The following BMPR1A variants were observed in gnomAD, a reference collection of about 807,000 sequenced individuals.
BMPR1A encodes the protein bone morphogenetic protein receptor type-1A.
In BMPR1A, 7 loss-of-function variants were observed where a neutral mutation model predicts 66.0. The ratio of observed to expected loss-of-function variants is 0.11; its 90% confidence interval spans 0.06 to 0.20. The LOEUF is 0.20. BMPR1A is among the 10% of genes least tolerant of loss of function. The pLI, the probability that BMPR1A is intolerant of heterozygous loss-of-function variation, is 1.00. For synonymous variants in BMPR1A, 200 were observed against 229.7 expected, an observed-to-expected ratio of 0.87 and a Z score of 1.17; for missense variants, 408 against 669.1, an observed-to-expected ratio of 0.61 and a Z score of 4.31.
intron 1 of BMPR1A, among the ~76,000 whole-genome samples, chr10:86,812,158 A>G (rs1280356104): frequency 6.6e-6 from 1 of 152,190 alleles, no homozygotes; most frequent in African/African-American, 2.4e-5. Flanking sequence ...GTCATTATAC[A>G]GAGCAGTTCA....
chr10:86,911,128 C>A (rs1030352235), intron 7 of BMPR1A, among the ~76,000 whole-genome samples: 3 of 136,146 alleles, frequency 2.2e-5, no homozygotes, highest in African/African-American at 8.7e-5. Flanking sequence ...ACACTCTAGC[C>A]TGGGTGACAG....
Position 86,878,893 on chromosome 10 carries a change from G to A in BMPR1A, c.67+2808G>A, listed in dbSNP as rs1275746752. ...GTTAGCTGGGAAAAGGGGGAAAATAGGTATCAATTGGACAATTAAAAGGAT... is the reference window on the plus strand; with the variant it reads ...GTTAGCTGGGAAAAGGGGGAAAATAAGTATCAATTGGACAATTAAAAGGAT... On this transcript the variant is annotated intron_variant, in intron 3 of 12. Transcript: ENST00000372037. Among the ~76,000 whole-genome samples the A allele has an allele frequency of 3.3e-5, 5 of 151,972 alleles. No individual in the cohort carries two copies. The East Asian group carries it at 9.6e-4, about 29-fold the overall frequency.
intron 1 of BMPR1A, among the ~76,000 whole-genome samples, chr10:86,802,418 A>G (rs1841824999): frequency 6.6e-6 from 1 of 152,228 alleles, no homozygotes; most frequent in South Asian, 2.1e-4. Flanking sequence ...AAAGAATCTG[A>G]ACTACATTAG....
chr10:86,870,033 T>C (rs1255253093), intron 2 of BMPR1A, among the ~76,000 whole-genome samples: 1 of 152,178 alleles, frequency 6.6e-6, no homozygotes, highest in Non-Finnish European at 1.5e-5. Flanking sequence ...TTATATTTAT[T>C]ATTTTATCAG....
chr10:86,875,938 G>A lies in BMPR1A; in HGVS notation c.-81G>A. The A allele has an allele frequency of 8.4e-7, 1 of 1,192,802 alleles. No individual in the cohort carries two copies. 73.9% of individuals were successfully genotyped at this position (1,192,802 alleles called of 1,614,324 possible). On this transcript the variant is annotated 5_prime_UTR_variant, in exon 3 of 13. Coordinates refer to ENST00000372037, the MANE Select transcript of BMPR1A (RefSeq NM_004329.3). ...CGATCTTTTACAAGAAAATCTCACTGAATGATAGTCATTTAAATTGGTGAA... is the reference window on the plus strand; with the variant it reads ...CGATCTTTTACAAGAAAATCTCACTAAATGATAGTCATTTAAATTGGTGAA...
intron 2 of BMPR1A, among the ~76,000 whole-genome samples, chr10:86,875,420 G>A (rs559461455): frequency 1.3e-5 from 2 of 152,190 alleles, no homozygotes; most frequent in East Asian, 3.9e-4. Flanking sequence ...TTCTAGGTCG[G>A]CTTCCTCTTC....
intron 8 of BMPR1A, among the ~76,000 whole-genome samples, chr10:86,913,902 G>A (rs766864332): frequency 2.8e-4 from 43 of 152,102 alleles, no homozygotes; most frequent in Non-Finnish European, 4.0e-4. Flanking sequence ...AGCAATTGAT[G>A]TATATTCTAA....
At chr10:86,851,857 G>A (rs968502738) in intron 2 of BMPR1A, among the ~76,000 whole-genome samples, 3 of 152,168 alleles carry the variant, frequency 2.0e-5, no homozygotes, top group Admixed American at 6.6e-5. Flanking sequence ...AAAGTCTTGC[G>A]TTACTAATTT....
chr10:86,848,462 A>T (rs887343266), intron 2 of BMPR1A, among the ~76,000 whole-genome samples: 16 of 151,716 alleles, frequency 1.1e-4, no homozygotes, highest in African/African-American at 3.9e-4. Flanking sequence ...TTTGTTCTTT[A>T]TTTTTGTGCT....
intron 7 of BMPR1A, among the ~76,000 whole-genome samples, chr10:86,907,723 A>G (rs886438949): frequency 1.3e-5 from 2 of 152,206 alleles, no homozygotes; most frequent in Non-Finnish European, 2.9e-5. Flanking sequence ...GTCATAGACA[A>G]ATATTACATG....
intron 2 of BMPR1A, among the ~76,000 whole-genome samples, chr10:86,867,289 G>T (rs1564707923): frequency 6.6e-6 from 1 of 152,182 alleles, no homozygotes; most frequent in African/African-American, 2.4e-5. Context: ...TATAGATAGT[G>T]CAAATATTAC....
chr10:86,776,681 C>T, intron 1 of BMPR1A, among the ~76,000 whole-genome samples: 1 of 152,166 alleles, frequency 6.6e-6, no homozygotes, highest in Admixed American at 6.5e-5. Flanking sequence ...ACATGATATT[C>T]AATCTCATGA....
chr10:86,895,213 T>C (rs755062132), intron 5 of BMPR1A, among the ~76,000 whole-genome samples: 1 of 152,218 alleles, frequency 6.6e-6, no homozygotes, highest in Non-Finnish European at 1.5e-5. Flanking sequence ...ATGGCACTTT[T>C]AGCATATGCT....
At chr10:86,853,562 G>A (rs552120427) in intron 2 of BMPR1A, among the ~76,000 whole-genome samples, 1 of 152,026 alleles carries the variant, frequency 6.6e-6, no homozygotes, top group East Asian at 2.0e-4. Context: ...TGGGGAACCT[G>A]CCCCGATAGT....
intron 3 of BMPR1A, among the ~76,000 whole-genome samples, chr10:86,879,840 TC>T (rs758792258): frequency 1.4e-4 from 21 of 152,208 alleles, no homozygotes; most frequent in Non-Finnish European, 1.9e-4. Flanking sequence ...ATATAAAACT[TC>T]CATTCAGAGG....
Position 86,842,247 on chromosome 10 carries a change from G to A in BMPR1A, c.-153+3268G>A, listed in dbSNP as rs1328801042. 2.6e-5 allele frequency among the ~76,000 whole-genome samples: 4 copies of A among 152,296 alleles called. No individual in the cohort carries two copies. The East Asian group carries it at 7.7e-4, about 29-fold the overall frequency. ...GCTGGTGTCTGATGCAGAATTGTCT[G>A]CTTGCTTGTTGATGGGGAGAAACCC... On this transcript the variant is annotated intron_variant, in intron 2 of 12. Transcript: ENST00000372037.
intron 8 of BMPR1A, among the ~76,000 whole-genome samples, chr10:86,914,117 TAAA>T (rs74542203): frequency 7.2e-6 from 1 of 138,928 alleles, no homozygotes; most frequent in Non-Finnish European, 1.6e-5. Context: ...GTTAATTGAT[TAAA>T]AAAAAAAAAA....
intron 5 of BMPR1A, 100 bp from the exon 6 acceptor site, chr10:86,899,694 T>C (rs1843277698): frequency 2.4e-6 from 3 of 1,246,912 alleles, no homozygotes; most frequent in Admixed American, 3.9e-5. Context: ...GCAGGCCCCT[T>C]TCACTCACTG....
intron 2 of BMPR1A, among the ~76,000 whole-genome samples, chr10:86,839,592 CAAAAAAAAAA>C (rs1210538965): frequency 1.4e-5 from 1 of 73,056 alleles, no homozygotes; most frequent in Non-Finnish European, 2.6e-5. Context: ...GACTCTGTCT[CAAAAAAAAAA>C]AAAAAAAAAA....
Sources: allele counts gnomAD v4.1 joint callset (sites outside exome capture counted in the v4.1 genomes callset), GRCh38; gene constraint gnomAD v4.1.1; transcripts MANE v1.5; gene names NCBI Gene and HGNC (gene_info 2026-07-23, HGNC 2026-07-21).